JDP2: variants seen among roughly 807,000 people sequenced by gnomAD.
JDP2 encodes Jun dimerization protein 2.
Under a neutral mutation model 17.1 loss-of-function variants are expected in JDP2, and 9 were observed. That is an observed-to-expected ratio of 0.53 (90% CI 0.32 to 0.92). JDP2 has a LOEUF of 0.92. Ranked by LOEUF, JDP2 falls within the 40% of genes least tolerant of loss-of-function variation. The pLI, the probability that JDP2 is intolerant of heterozygous loss-of-function variation, is 0.04. For missense variants in JDP2, 179 were observed against 220.0 expected, an observed-to-expected ratio of 0.81 and a Z score of 1.18; for synonymous variants, 107 against 95.6, an observed-to-expected ratio of 1.12 and a Z score of -0.69.
chr14:75,432,280 A>AT, intron 1 of JDP2: 2 of 1,548,056 alleles, frequency 1.3e-6, no homozygotes, highest in South Asian at 2.4e-5. Context: ...ATCCTGGGTG[A>AT]TTCCTTAGCT....
In JDP2 at chr14:75,448,121, C is replaced by A. The variant is rs74960641; in HGVS notation, c.201+10000C>A. ...AAAGGTTTTGCACCAGCCAAAACATCTTTTTGTTCTCATTGAATGACTATA... is the reference window on the plus strand; with the variant it reads ...AAAGGTTTTGCACCAGCCAAAACATATTTTTGTTCTCATTGAATGACTATA... On this transcript the variant is annotated intron_variant, in intron 2 of 3. Coordinates refer to ENST00000651602, the MANE Select transcript of JDP2 (RefSeq NM_001135048.2). 9.2e-3 allele frequency among the ~76,000 whole-genome samples: 1,403 copies of A among 152,156 alleles called. 19 individuals carry two copies. Among genetic ancestry groups the A allele is most frequent in the East Asian group, 0.036 (185 of 5,180 alleles).
intron 2 of JDP2, among the ~76,000 whole-genome samples, chr14:75,460,388 G>T (rs943389241): frequency 6.6e-6 from 1 of 152,206 alleles, no homozygotes; most frequent in Non-Finnish European, 1.5e-5. Context: ...ATGGATCCCA[G>T]CATTTGGAAA....
chr14:75,469,778 G>A lies in JDP2; in HGVS notation c.*303G>A, dbSNP rs1182769643. 4 of 302,766 alleles carry A rather than the reference G, an allele frequency of 1.3e-5. No homozygotes were observed. Among genetic ancestry groups the A allele is most frequent in the East Asian group, 6.7e-5 (1 of 15,012 alleles). 18.8% of individuals were successfully genotyped at this position (302,766 alleles called of 1,614,324 possible). A position where few individuals can be genotyped will look rare whatever the true frequency, so the allele number is the denominator to read the frequency against. The stretch of plus-strand genomic sequence containing the variant: ...ACAGAGGCACCGAGGCCAGGGAGAC[G>A]CCCAACGAGGCAGCCCTGGGCTCTT... On this transcript the variant is annotated 3_prime_UTR_variant, in exon 4 of 4. Transcript: ENST00000651602.
chr14:75,434,236 C>A (rs1566734231), intron 1 of JDP2, among the ~76,000 whole-genome samples: 1 of 152,164 alleles, frequency 6.6e-6, no homozygotes, highest in African/African-American at 2.4e-5. Flanking sequence ...AGATCGTCAG[C>A]CAGCTCTTTG....
At chr14:75,456,329 CCTT>C (rs1397998304) in intron 2 of JDP2, among the ~76,000 whole-genome samples, 1 of 152,238 alleles carries the variant, frequency 6.6e-6, no homozygotes, top group African/African-American at 2.4e-5. Flanking sequence ...CTCTCTCTCC[CCTT>C]CTTCATCTCC....
At chr14:75,467,528 T>G (rs1411522963) in intron 3 of JDP2, among the ~76,000 whole-genome samples, 1 of 151,798 alleles carries the variant, frequency 6.6e-6, no homozygotes, top group Non-Finnish European at 1.5e-5. Flanking sequence ...CACAGATGGG[T>G]GGGTTACCCT....
chr14:75,433,983 C>T (rs1884941810), intron 1 of JDP2, among the ~76,000 whole-genome samples: 2 of 152,238 alleles, frequency 1.3e-5, no homozygotes, highest in Middle Eastern at 3.4e-3. Flanking sequence ...TCTTCTGAAG[C>T]TTTTAGTGCG....
At chr14:75,447,270 C>T (rs756389427) in intron 2 of JDP2, among the ~76,000 whole-genome samples, 7 of 152,210 alleles carry the variant, frequency 4.6e-5, no homozygotes, top group African/African-American at 1.2e-4. Context: ...GTGTTCAGGT[C>T]AGAAGTCATA....
At chr14:75,444,568 C>T (rs1885506478) in intron 2 of JDP2, among the ~76,000 whole-genome samples, 1 of 152,190 alleles carries the variant, frequency 6.6e-6, no homozygotes, top group South Asian at 2.1e-4. Context: ...CTCGTTTCCT[C>T]ATCTGTAACA....
intron 1 of JDP2, among the ~76,000 whole-genome samples, chr14:75,435,914 G>A (rs1885044035): frequency 6.6e-6 from 1 of 152,160 alleles, no homozygotes; most frequent in South Asian, 2.1e-4. Context: ...GGGAGCTATG[G>A]GCAGAGGCTT....
At chr14:75,466,069 A>G (rs909871599) in intron 3 of JDP2, among the ~76,000 whole-genome samples, 30 of 152,230 alleles carry the variant, frequency 2.0e-4, no homozygotes, top group Admixed American at 7.2e-4. Flanking sequence ...AACTCAACTT[A>G]TATTTACACA....
In JDP2 at chr14:75,472,383, G is replaced by A. The variant is rs897123961; in HGVS notation, c.*2908G>A. The A allele has an allele frequency of 1.3e-5, 2 of 152,242 alleles. No homozygotes were observed. Among genetic ancestry groups the A allele is most frequent in the African/African-American group, 4.8e-5 (2 of 41,454 alleles). The allele number at this position is 152,242 out of a possible 1,614,324, so 9.4% of individuals were successfully genotyped here. A position where few individuals can be genotyped will look rare whatever the true frequency, so the allele number is the denominator to read the frequency against. On this transcript the variant is annotated 3_prime_UTR_variant, in exon 4 of 4. Coordinates refer to ENST00000651602, the MANE Select transcript of JDP2 (RefSeq NM_001135048.2). ...TGAGCCTCCCCATGAGAGGAAAAAT[G>A]TGTTTGTGGTGTGACCTCAGTTGCC...
chr14:75,430,721 T>C lies in JDP2; in HGVS notation c.-24+2469T>C, dbSNP rs1011052260. ...TGTCTTGGCAGTCGGTTCCGTGGCT[T>C]GTATTACCAGCTCTGGAACTTAGGG... On this transcript the variant is annotated intron_variant, in intron 1 of 3. Transcript: ENST00000651602. This position sits in a 1 kb window ranked among gnomAD's most constrained non-coding sequence, Gnocchi z 4.5. Among the ~76,000 whole-genome samples, 5 of 152,212 alleles carry C rather than the reference T, an allele frequency of 3.3e-5. 1 individual carries two copies. Among genetic ancestry groups the C allele is most frequent in the African/African-American group, 1.2e-4 (5 of 41,536 alleles).
intron 2 of JDP2, 109 bp from the exon 3 acceptor site, chr14:75,461,317 C>A: frequency 1.3e-6 from 1 of 764,492 alleles, no homozygotes. Flanking sequence ...TTGTTCACTG[C>A]CGAGATGTGG....
chr14:75,451,559 C>T (rs1885865982), intron 2 of JDP2, among the ~76,000 whole-genome samples: 1 of 152,110 alleles, frequency 6.6e-6, no homozygotes, highest in Non-Finnish European at 1.5e-5. Flanking sequence ...AAACGGAGAT[C>T]CACAGGCCGT....
intron 1 of JDP2, among the ~76,000 whole-genome samples, chr14:75,432,523 T>C (rs188231246): frequency 1.2e-4 from 19 of 152,354 alleles, no homozygotes; most frequent in Non-Finnish European, 1.6e-4. Context: ...TTATTTCTCA[T>C]GGGGCTTGCC....
At chr14:75,452,743 C>T (rs1885919761) in intron 2 of JDP2, among the ~76,000 whole-genome samples, 1 of 152,192 alleles carries the variant, frequency 6.6e-6, no homozygotes, top group Non-Finnish European at 1.5e-5. Context: ...GGGGTGGCCA[C>T]CGCCCCATCC....
At chr14:75,432,698 C>T (rs1884864627) in intron 1 of JDP2, among the ~76,000 whole-genome samples, 2 of 152,218 alleles carry the variant, frequency 1.3e-5, no homozygotes, top group East Asian at 3.9e-4. Flanking sequence ...CAAAGAGGCC[C>T]AGGAGTTTTA....
At chr14:75,440,428 T>C (rs1885288669) in intron 2 of JDP2, among the ~76,000 whole-genome samples, 1 of 152,262 alleles carries the variant, frequency 6.6e-6, no homozygotes, top group South Asian at 2.1e-4. Context: ...ATCTATGGTC[T>C]GAAGATCTAT....
Sources: gnomAD v4.1 joint callset for allele counts (sites outside exome capture counted in the v4.1 genomes callset) on GRCh38, gnomAD v4.1.1 for gene constraint, Gnocchi (gnomAD v3.1) non-coding constraint, MANE v1.5 for transcripts, NCBI Gene and HGNC (gene_info 2026-07-23, HGNC 2026-07-21) for gene names.